SOX5: variants seen among roughly 807,000 people sequenced by gnomAD.
The protein encoded by SOX5 is SRY-box transcription factor 5.
In SOX5, 9 loss-of-function variants were observed where a neutral mutation model predicts 92.0. That is an observed-to-expected ratio of 0.10 (90% CI 0.06 to 0.17). The LOEUF (loss-of-function observed/expected upper bound fraction) is 0.17, where lower values mean the gene tolerates loss of function less well. Among genes scored for constraint, SOX5 ranks in the 10% least tolerant of loss-of-function variants. The pLI, the probability that SOX5 is intolerant of heterozygous loss-of-function variation, is 1.00. For missense variants in SOX5, 642 were observed against 944.5 expected, an observed-to-expected ratio of 0.68 and a Z score of 4.20; for synonymous variants, 344 against 336.3, an observed-to-expected ratio of 1.02 and a Z score of -0.25.
intron 6 of SOX5, among the ~76,000 whole-genome samples, chr12:23,692,208 G>A (rs1004479690): frequency 2.6e-5 from 4 of 151,956 alleles, no homozygotes; most frequent in East Asian, 3.9e-4. Context: ...CGAGACAGGC[G>A]GATCACCTGA....
At chr12:24,394,103 G>T (rs1043428618) in intron 1 of SOX5, among the ~76,000 whole-genome samples, 2 of 152,096 alleles carry the variant, frequency 1.3e-5, no homozygotes, top group African/African-American at 2.4e-5. Context: ...TCTCGTTAGA[G>T]CTCCGAAATT....
At chr12:24,101,567 A>G (rs1005115013) in intron 4 of SOX5, among the ~76,000 whole-genome samples, 1 of 152,170 alleles carries the variant, frequency 6.6e-6, no homozygotes, top group African/African-American at 2.4e-5. Flanking sequence ...TTCCAGACAC[A>G]TAGTAGATAC....
chr12:24,230,121 C>G (rs1239260491), intron 3 of SOX5, among the ~76,000 whole-genome samples: 2 of 152,126 alleles, frequency 1.3e-5, no homozygotes, highest in Admixed American at 6.6e-5. Flanking sequence ...AATAGGCCTC[C>G]CATGTGCTTC....
intron 1 of SOX5, among the ~76,000 whole-genome samples, chr12:24,428,599 C>T (rs1966975519): frequency 6.6e-6 from 1 of 151,640 alleles, no homozygotes; most frequent in Admixed American, 6.6e-5. Flanking sequence ...GAGTGAGACC[C>T]TGTCTCCATA....
chr12:23,957,388 T>C (rs1437443873), intron 4 of SOX5, among the ~76,000 whole-genome samples: 1 of 152,224 alleles, frequency 6.6e-6, no homozygotes, highest in Non-Finnish European at 1.5e-5. Context: ...AGTACAATTA[T>C]ATTTATTAGC....
intron 1 of SOX5, among the ~76,000 whole-genome samples, chr12:24,423,414 A>T (rs1295564119): frequency 6.6e-6 from 1 of 152,208 alleles, no homozygotes; most frequent in Non-Finnish European, 1.5e-5. Flanking sequence ...TCTACTATAC[A>T]CTATCAAAGA....
chr12:23,805,834 T>A (rs2142278552), intron 3 of SOX5, among the ~76,000 whole-genome samples: 1 of 152,286 alleles, frequency 6.6e-6, no homozygotes, highest in Middle Eastern at 3.4e-3. Flanking sequence ...TTTTACAAAC[T>A]TCAGCTTTAA....
intron 3 of SOX5, among the ~76,000 whole-genome samples, chr12:24,241,642 A>G (rs1965582253): frequency 6.6e-6 from 1 of 152,190 alleles, no homozygotes. Context: ...TCTGGAGAAG[A>G]CACTGAAAAA....
At chr12:23,963,222 A>T (rs994450322) in intron 4 of SOX5, among the ~76,000 whole-genome samples, 1 of 152,220 alleles carries the variant, frequency 6.6e-6, no homozygotes, top group Admixed American at 6.5e-5. Flanking sequence ...TTCTTAACCC[A>T]GTTGGCAAAT....
intron 4 of SOX5, among the ~76,000 whole-genome samples, chr12:24,206,988 T>A (rs1958089119): frequency 6.6e-6 from 1 of 152,182 alleles, no homozygotes; most frequent in African/African-American, 2.4e-5. Flanking sequence ...AGGCAAGCAC[T>A]CATTCAGCAT....
At chr12:24,498,945 C>G (rs139305983) in intron 1 of SOX5, among the ~76,000 whole-genome samples, 1 of 152,154 alleles carries the variant, frequency 6.6e-6, no homozygotes, top group Non-Finnish European at 1.5e-5. Context: ...CCGTTTACCT[C>G]TTCTCCTAGA....
intron 6 of SOX5, among the ~76,000 whole-genome samples, chr12:23,707,559 G>A (rs959093745): frequency 6.6e-6 from 1 of 152,034 alleles, no homozygotes; most frequent in South Asian, 2.1e-4. Flanking sequence ...AGAGAGCAAC[G>A]ATTATGTGCT....
chr12:23,986,216 C>G (rs977086025), intron 4 of SOX5, among the ~76,000 whole-genome samples: 1 of 152,082 alleles, frequency 6.6e-6, no homozygotes. Flanking sequence ...ATAAATCTAT[C>G]TTTAACTGGC....
rs74068018 is a variant in SOX5, at chr12:23,990,882, A to G, written c.-1-94858T>C. Among the ~76,000 whole-genome samples the G allele has an allele frequency of 3.0e-3, 463 of 152,264 alleles. 3 individuals carry two copies. The highest frequency in any genetic ancestry group is 9.9e-3 in the African/African-American group (410 of 41,566). On this transcript the variant is annotated intron_variant, in intron 4 of 4. Transcript: ENST00000446891. ...TCACTAAGAATCAGTGAAAGATGCT[A>G]CACAATAGAAAGTTTAAGTAACAAT...
chr12:24,162,545 T>A (rs898547483), intron 4 of SOX5, among the ~76,000 whole-genome samples: 4 of 152,126 alleles, frequency 2.6e-5, no homozygotes, highest in African/African-American at 9.7e-5. Context: ...AACAACTTAT[T>A]TTCTCAAAGT....
At chr12:24,095,178 CAGAGAGAG>C (rs139414194) in intron 4 of SOX5, among the ~76,000 whole-genome samples, 1 of 117,470 alleles carries the variant, frequency 8.5e-6, no homozygotes, top group African/African-American at 3.2e-5. Flanking sequence ...GAGACAGAGA[CAGAGAGAG>C]AGAGAGAGAT....
At chr12:23,947,446 G>C (rs573988549) in intron 1 of SOX5, among the ~76,000 whole-genome samples, 3 of 151,952 alleles carry the variant, frequency 2.0e-5, no homozygotes, top group African/African-American at 7.2e-5. Flanking sequence ...ATGATACACT[G>C]TATCATGCAT....
chr12:23,941,940 A>G (rs895494054), intron 1 of SOX5, among the ~76,000 whole-genome samples: 2 of 52,020 alleles, frequency 3.8e-5, no homozygotes, highest in Non-Finnish European at 5.2e-5. Context: ...CTAGCTAATA[A>G]AAAAAAAAAA....
intron 4 of SOX5, among the ~76,000 whole-genome samples, chr12:24,188,864 C>T (rs1956259724): frequency 6.6e-6 from 1 of 152,060 alleles, no homozygotes. Context: ...GAAAATGCTC[C>T]AGATGAGATG....
Sources: gnomAD v4.1 joint callset for allele counts (sites outside exome capture counted in the v4.1 genomes callset) on GRCh38, gnomAD v4.1.1 for gene constraint, MANE v1.5 for transcripts, NCBI Gene and HGNC (gene_info 2026-07-23, HGNC 2026-07-21) for gene names.